The following FOXS1 variants were observed in gnomAD, a reference collection of about 807,000 sequenced individuals.
The protein encoded by FOXS1 is forkhead box protein S1.
Under a neutral mutation model 13.0 loss-of-function variants are expected in FOXS1, and 7 were observed. The observed-to-expected ratio is 0.54, with a 90% CI of 0.31 to 1.01. The LOEUF (loss-of-function observed/expected upper bound fraction) is 1.01. FOXS1 is among the 50% of genes least tolerant of loss of function. FOXS1 has a pLI of 0.06. For missense variants in FOXS1, 414 were observed against 464.1 expected, an observed-to-expected ratio of 0.89 and a Z score of 0.99; for synonymous variants, 161 against 189.3, an observed-to-expected ratio of 0.85 and a Z score of 1.23.
In FOXS1 at chr20:31,844,791, C is replaced by T. The variant is rs768209810; in HGVS notation, c.752G>A (p.Arg251Gln). The change falls in exon 1 of 1, where the codon CGG becomes CAG. Residue 251 changes from arginine to glutamine, a missense_variant. Transcript: ENST00000375978. ...CATGCAAAAATTCAGTGCCTGCAGC[C>T]GACACTGGTAGCTGCTCCCGATGCC... Reference protein sequence around the residue: ...ESGIGSSYQCRLQALNFCMGA... With the variant: ...ESGIGSSYQCQLQALNFCMGA... 20 of 1,614,166 alleles carry T rather than the reference C, an allele frequency of 1.2e-5. No homozygotes were observed. Among genetic ancestry groups the T allele is most frequent in the East Asian group, 4.5e-5 (2 of 44,880 alleles).
In FOXS1 at chr20:31,845,325, T is replaced by A; in HGVS notation, c.218A>T (p.Asn73Ile). 2.5e-6 allele frequency: 4 copies of A among 1,614,208 alleles called. No individual in the cohort carries two copies. Among genetic ancestry groups the A allele is most frequent in the Non-Finnish European group, 3.4e-6 (4 of 1,180,004 alleles). The change falls in exon 1 of 1, where the codon AAC (asparagine) becomes ATC (isoleucine). Residue 73 changes from asparagine to isoleucine, a missense_variant. Asn to Ile is a moderately radical substitution (Grantham distance 149). Coordinates refer to ENST00000375978, the MANE Select transcript of FOXS1 (RefSeq NM_004118.4). Reference protein sequence around the residue: ...QNSIRHNLSLNECFVKVPRDD... With the variant: ...QNSIRHNLSLIECFVKVPRDD... The stretch of plus-strand genomic sequence containing the variant: ...GCGGGGCACCTTGACAAAGCACTCG[T>A]TGAGTGACAGGTTGTGGCGGATGCT...
rs1461788119 is a variant in FOXS1 at position 31,844,733 on chromosome 20, G to C, written c.810C>G (p.Ala270=). 6.2e-7 allele frequency: 1 copy of C among 1,613,606 alleles called. No homozygotes were observed. Among genetic ancestry groups the C allele is most frequent in the South Asian group, 1.1e-5 (1 of 91,040 alleles). ...GTGGTGCAGGGGAGGGGGCTGCTGA[G>C]GCCAAGAGGTGCTCAAGGCCTGGGT... The part of the protein sequence containing the change: ...GADPGLEHLL[A]SAAPSPAPPT... The change falls in exon 1 of 1, where the codon GCC becomes GCG. Residue 270 remains alanine, a synonymous_variant. Transcript: ENST00000375978.
Position 31,845,323 on chromosome 20 carries a change from C to A in FOXS1, c.220G>T (p.Glu74Ter). ...NSIRHNLSLN[E>*]CFVKVPRDDR... ...TCGCGGGGCACCTTGACAAAGCACT[C>A]GTTGAGTGACAGGTTGTGGCGGATG... Residue 74 changes from glutamate to a stop codon, truncating the protein, a stop_gained, in exon 1 of 1, where the codon GAG becomes TAG. Transcript: ENST00000375978. LOFTEE classifies it high-confidence loss of function. The A allele has an allele frequency of 6.2e-7, 1 of 1,614,236 alleles. No individual in the cohort carries two copies.
At position 31,845,396 on chromosome 20, in the gene FOXS1, C is replaced by T; in HGVS notation, c.147G>A (p.Met49Ile). The change falls in exon 1 of 1, where the codon ATG (methionine) becomes ATA (isoleucine). Residue 49 changes from methionine (M) to isoleucine (I), a missense_variant. Coordinates refer to ENST00000375978, the MANE Select transcript of FOXS1 (RefSeq NM_004118.4). ...ATLSGIYRYI[M>I]GRFAFYRHNR... ...TGTGGCGGTAGAAGGCGAATCGGCCCATGATGTAGCGGTAGATGCCACTGA... is the reference window on the plus strand; with the variant it reads ...TGTGGCGGTAGAAGGCGAATCGGCCTATGATGTAGCGGTAGATGCCACTGA... 1 of 1,614,236 alleles carries T rather than the reference C, an allele frequency of 6.2e-7. No homozygotes were observed. The highest frequency in any genetic ancestry group is 2.2e-5 in the East Asian group (1 of 44,880).
In FOXS1 at chr20:31,845,150, A is replaced by G. The variant is rs746999909; in HGVS notation, c.393T>C (p.Arg131=). 17 of 1,607,174 alleles carry G rather than the reference A, an allele frequency of 1.1e-5. No individual in the cohort carries two copies. The East Asian group carries it at 3.4e-4, about 32-fold the overall frequency. ...CCTGGCTGGTCGCCCTGAGGGGTCC[A>G]CGGCGTGCCTTGGCGGGGCCCCGGG... is the stretch of plus-strand genomic sequence containing the variant. ...EGTRGPAKAR[R]GPLRATSQDP... Residue 131 remains arginine, a synonymous_variant, in exon 1 of 1, where the codon CGT becomes CGC. Coordinates refer to ENST00000375978, the MANE Select transcript of FOXS1 (RefSeq NM_004118.4).
chr20:31,845,369 G>A lies in FOXS1; in HGVS notation c.174C>T (p.Asn58=), dbSNP rs1260225235. Residue 58 remains asparagine (N), a synonymous_variant, in exon 1 of 1, where the codon AAC becomes AAT. Transcript: ENST00000375978. Reference sequence around the variant, plus strand: ...GGATGCTGTTCTGCCAGCCGGGCCGGTTGTGGCGGTAGAAGGCGAATCGGC... The same window carrying A: ...GGATGCTGTTCTGCCAGCCGGGCCGATTGTGGCGGTAGAAGGCGAATCGGC... ...IMGRFAFYRH[N]RPGWQNSIRH... 2 of 1,614,144 alleles carry A rather than the reference G, an allele frequency of 1.2e-6. No homozygotes were observed. Among genetic ancestry groups the A allele is most frequent in the African/African-American group, 1.3e-5 (1 of 74,954 alleles).
chr20:31,845,173 G>A lies in FOXS1; in HGVS notation c.370C>T (p.Arg124Trp), dbSNP rs755445786. 9 of 1,608,088 alleles carry A rather than the reference G, an allele frequency of 5.6e-6. No homozygotes were observed. Among genetic ancestry groups the A allele is most frequent in the African/African-American group, 4.0e-5 (3 of 74,852 alleles). Residue 124 changes from arginine to tryptophan, a missense_variant, in exon 1 of 1, where the codon CGG becomes TGG. Transcript: ENST00000375978. ...CCACGGCGTGCCTTGGCGGGGCCCC[G>A]GGTGCCCTCAGCACCTGTCTGCCGG... The part of the protein sequence containing the change: ...FTRQTGAEGT[R>W]GPAKARRGPL...
rs144561926 is a variant in FOXS1 at position 31,845,500 on chromosome 20, C to T, written c.43G>A (p.Glu15Lys). ...TAGCTGTAGGGAGGCTTGGTTGGCT[C>T]AGTTGTGGGGGCGCCAGGCCCGGGC... ...PLPGPGAPTT[E>K]PTKPPYSYIA... is the part of the protein sequence containing the mutation. The change falls in exon 1 of 1, where the codon GAG becomes AAG. Residue 15 changes from glutamate (E) to lysine (K), a missense_variant. Physicochemically the swap from Glu to Lys is moderately conservative, Grantham distance 56 (BLOSUM62 1). Coordinates refer to ENST00000375978, the MANE Select transcript of FOXS1 (RefSeq NM_004118.4). 9.9e-5 allele frequency: 159 copies of T among 1,613,992 alleles called. 1 individual carries two copies. The highest frequency in any genetic ancestry group is 1.3e-4 in the Non-Finnish European group (155 of 1,180,004).
In FOXS1 at chr20:31,844,862, A is replaced by C; in HGVS notation, c.681T>G (p.Ala227=). ...GCGTAGGGGCCTTATTAAAACTCTC[A>C]GCCTCTGAGAAGCCGGCAGGAAAGC... ...AFGFPAGFSE[A]ESFNKAPTPV... The change falls in exon 1 of 1, where the codon GCT becomes GCG. Residue 227 remains alanine (A), a synonymous_variant. Coordinates refer to ENST00000375978, the MANE Select transcript of FOXS1 (RefSeq NM_004118.4). 1 of 1,614,228 alleles carries C rather than the reference A, an allele frequency of 6.2e-7. No individual in the cohort carries two copies. The highest frequency in any genetic ancestry group is 8.5e-7 in the Non-Finnish European group (1 of 1,180,034).
rs1258846267 is a variant in FOXS1, at chr20:31,844,657, T to C, written c.886A>G (p.Lys296Glu). Residue 296 changes from lysine to glutamate, a missense_variant, in exon 1 of 1, where the codon AAG (lysine) becomes GAG (glutamate). Transcript: ENST00000375978. ...AAGCCACCTGCAACCCAGGGTTCCT[T>C]GTGGTCAGTTGGCAGGGGCAGTGGG... is the stretch of plus-strand genomic sequence containing the variant. ...RAPLPLPTDH[K>E]EPWVAGGFPV... is the part of the protein sequence containing the mutation. The C allele has an allele frequency of 1.2e-6, 2 of 1,613,002 alleles. No homozygotes were observed. Among genetic ancestry groups the C allele is most frequent in the Non-Finnish European group, 1.7e-6 (2 of 1,179,588 alleles).
Position 31,844,874 on chromosome 20 carries a change from G to A in FOXS1, c.669C>T (p.Gly223=), listed in dbSNP as rs1377265618. The A allele has an allele frequency of 6.2e-7, 1 of 1,614,272 alleles. No individual in the cohort carries two copies. The highest frequency in any genetic ancestry group is 8.5e-7 in the Non-Finnish European group (1 of 1,180,042). The part of the protein sequence containing the change: ...SSCPAFGFPA[G]FSEAESFNKA... ...TATTAAAACTCTCAGCCTCTGAGAA[G>A]CCGGCAGGAAAGCCAAACGCTGGGC... is the stretch of plus-strand genomic sequence containing the variant. The change falls in exon 1 of 1, where the codon GGC becomes GGT. Residue 223 remains glycine, a synonymous_variant. Coordinates refer to ENST00000375978, the MANE Select transcript of FOXS1 (RefSeq NM_004118.4).
rs2062360684 is a variant in FOXS1 at position 31,844,486 on chromosome 20, C to T, written c.*64G>A. On this transcript the variant is annotated 3_prime_UTR_variant, in exon 1 of 1. Coordinates refer to ENST00000375978, the MANE Select transcript of FOXS1 (RefSeq NM_004118.4). ...TGGGTCCTTCGAGAGTTCTTCAGGT[C>T]CTAGAGCCAGGCTCAGCCCGGAGGG... The T allele has an allele frequency of 1.3e-6, 2 of 1,574,266 alleles. No homozygotes were observed. Among genetic ancestry groups the T allele is most frequent in the Non-Finnish European group, 8.7e-7 (1 of 1,155,858 alleles).
chr20:31,845,432 CT>C lies in FOXS1; in HGVS notation c.110del (p.Gln37ArgfsTer128). On this transcript the variant is annotated frameshift_variant, in exon 1 of 1. Transcript: ENST00000375978. LOFTEE classifies it high-confidence loss of function. ...GGTAGATGCCACTGAGGGTGGCCCG[CT>C]GCCCCGGTGAGCTCTGGATGGCCAT... ...IAMAIQSSPG[Q>X]RATLSGIYRY... 6.2e-7 allele frequency: 1 copy of C among 1,614,212 alleles called. No homozygotes were observed. Among genetic ancestry groups the C allele is most frequent in the Non-Finnish European group, 8.5e-7 (1 of 1,180,020 alleles).
At position 31,845,179 on chromosome 20, in the gene FOXS1, C is replaced by A; in HGVS notation, c.364G>T (p.Gly122Cys). The change falls in exon 1 of 1, where the codon GGC becomes TGC. Residue 122 changes from glycine to cysteine, a missense_variant. Physicochemically the swap from Gly to Cys is radical, Grantham distance 159. Coordinates refer to ENST00000375978, the MANE Select transcript of FOXS1 (RefSeq NM_004118.4). ...RRFTRQTGAEGTRGPAKARRG... is the reference protein window; with the variant it reads ...RRFTRQTGAECTRGPAKARRG... ...CGTGCCTTGGCGGGGCCCCGGGTGC[C>A]CTCAGCACCTGTCTGCCGGGTGAAG... The A allele has an allele frequency of 6.2e-7, 1 of 1,610,288 alleles. No individual in the cohort carries two copies. The highest frequency in any genetic ancestry group is 1.1e-5 in the South Asian group (1 of 90,890).
At position 31,845,109 on chromosome 20, in the gene FOXS1, T is replaced by G. The variant is rs112324522; in HGVS notation, c.434A>C (p.Asn145Thr). 299 of 1,608,498 alleles carry G rather than the reference T, an allele frequency of 1.9e-4. 1 individual carries two copies. In the African/African-American group the frequency reaches 3.6e-3, roughly 19 times the overall value. Residue 145 changes from asparagine (N) to threonine (T), a missense_variant, in exon 1 of 1, where the codon AAC becomes ACC. Asn to Thr is a moderately conservative substitution (Grantham distance 65). Transcript: ENST00000375978. Reference protein sequence around the residue: ...RATSQDPGVPNATTGRQCSFP... With the variant: ...RATSQDPGVPTATTGRQCSFP... The stretch of plus-strand genomic sequence containing the variant: ...TGAGCACTGCCTGCCGGTCGTGGCG[T>G]TGGGGACTCCTGGGTCCTGGCTGGT...
chr20:31,845,578 G>T lies in FOXS1; in HGVS notation c.-36C>A. 6.2e-7 allele frequency: 1 copy of T among 1,602,358 alleles called. No homozygotes were observed. The highest frequency in any genetic ancestry group is 1.3e-5 in the African/African-American group (1 of 74,880). ...CTGCCAGGCTGCTGGGACCTGCTGG[G>T]TCAGGCTCAGCTTCCAGGGCTGGCG... is the stretch of plus-strand genomic sequence containing the variant. On this transcript the variant is annotated 5_prime_UTR_variant, in exon 1 of 1. Coordinates refer to ENST00000375978, the MANE Select transcript of FOXS1 (RefSeq NM_004118.4).
At position 31,844,381 on chromosome 20, in the gene FOXS1, T is replaced by A; in HGVS notation, c.*169A>T. ...GCCCTGCTTCCCCTCACCCCCAAGT[T>A]TGTCCGGAGGCCCCAGGGGCCTGGC... On this transcript the variant is annotated 3_prime_UTR_variant, in exon 1 of 1. Coordinates refer to ENST00000375978, the MANE Select transcript of FOXS1 (RefSeq NM_004118.4). The A allele has an allele frequency of 1.3e-6, 1 of 767,324 alleles. No homozygotes were observed. Among genetic ancestry groups the A allele is most frequent in the Non-Finnish European group, 2.1e-6 (1 of 470,870 alleles). The allele number at this position is 767,324 out of a possible 1,614,324, so 47.5% of individuals were successfully genotyped here.
chr20:31,844,428 CTTTCTGTG>C lies in FOXS1; in HGVS notation c.*114_*121del. 2 of 1,268,862 alleles carry C rather than the reference CTTTCTGTG, an allele frequency of 1.6e-6. No individual in the cohort carries two copies. Among genetic ancestry groups the C allele is most frequent in the Non-Finnish European group, 2.2e-6 (2 of 906,356 alleles). 78.6% of individuals were successfully genotyped at this position (1,268,862 alleles called of 1,614,324 possible). A position where few individuals can be genotyped will look rare whatever the true frequency, so the allele number is the denominator to read the frequency against. On this transcript the variant is annotated 3_prime_UTR_variant, in exon 1 of 1. Transcript: ENST00000375978. Reference sequence around the variant, plus strand: ...TGGCTGAGCACCGCTTCAATCCTGGCTTTCTGTGTGGTTGTCCTTGGCTCACCAGGGCT... The same window carrying C: ...TGGCTGAGCACCGCTTCAATCCTGGCTGGTTGTCCTTGGCTCACCAGGGCT...
In FOXS1 at chr20:31,845,424, G is replaced by T; in HGVS notation, c.119C>A (p.Thr40Asn). 1 of 1,614,232 alleles carries T rather than the reference G, an allele frequency of 6.2e-7. No individual in the cohort carries two copies. Among genetic ancestry groups the T allele is most frequent in the African/African-American group, 1.3e-5 (1 of 75,076 alleles). Residue 40 changes from threonine to asparagine, a missense_variant, in exon 1 of 1, where the codon ACC (threonine) becomes AAC (asparagine). Transcript: ENST00000375978. ...GATGTAGCGGTAGATGCCACTGAGGGTGGCCCGCTGCCCCGGTGAGCTCTG... is the reference window on the plus strand; with the variant it reads ...GATGTAGCGGTAGATGCCACTGAGGTTGGCCCGCTGCCCCGGTGAGCTCTG... ...AIQSSPGQRA[T>N]LSGIYRYIMG...
Sources: gnomAD v4.1 joint callset for allele counts on GRCh38, gnomAD v4.1.1 for gene constraint, MANE v1.5 for transcripts, NCBI Gene and HGNC (gene_info 2026-07-23, HGNC 2026-07-21) for gene names.